PTPRE: variants seen among roughly 807,000 people sequenced by gnomAD.
PTPRE encodes the protein protein tyrosine phosphatase receptor type E.
A neutral mutation model predicts 102.0 loss-of-function variants in PTPRE; 51 were observed. The observed-to-expected ratio is 0.50, with a 90% confidence interval of 0.40 to 0.63. The LOEUF (loss-of-function observed/expected upper bound fraction) is 0.63. Among genes scored for constraint, PTPRE ranks in the 30% least tolerant of loss-of-function variants. The pLI is 0.00. For missense variants in PTPRE, 752 were observed against 915.1 expected, an observed-to-expected ratio of 0.82 and a Z score of 2.30; for synonymous variants, 345 against 348.2, an observed-to-expected ratio of 0.99 and a Z score of 0.10.
intron 2 of PTPRE, among the ~76,000 whole-genome samples, chr10:128,031,244 A>G (rs1846730348): frequency 6.6e-6 from 1 of 152,244 alleles, no homozygotes; most frequent in Non-Finnish European, 1.5e-5. Flanking sequence ...TCCAGTCATC[A>G]TCACTTTTGG....
At chr10:127,932,398 G>A (rs978498776) in intron 1 of PTPRE, among the ~76,000 whole-genome samples, 2 of 152,172 alleles carry the variant, frequency 1.3e-5, no homozygotes, top group Non-Finnish European at 2.9e-5. Flanking sequence ...TTGGGGTATA[G>A]GAGCTATAAA....
intron 1 of PTPRE, among the ~76,000 whole-genome samples, chr10:127,981,340 T>G (rs115332849): frequency 2.2e-3 from 338 of 152,206 alleles, no homozygotes; most frequent in African/African-American, 7.9e-3. Flanking sequence ...GAGCTAATAG[T>G]GGGTGTGGGG....
At chr10:127,984,820 G>A (rs955821928) in intron 2 of PTPRE, among the ~76,000 whole-genome samples, 1 of 152,220 alleles carries the variant, frequency 6.6e-6, no homozygotes, top group Non-Finnish European at 1.5e-5. Flanking sequence ...CCCCAGCCAT[G>A]TGGAACTGTG....
intron 1 of PTPRE, among the ~76,000 whole-genome samples, chr10:127,960,807 A>T (rs927553017): frequency 9.9e-5 from 15 of 152,178 alleles, no homozygotes; most frequent in Non-Finnish European, 1.9e-4. Flanking sequence ...GCGGATCACT[A>T]GGTCAGGAGA....
chr10:127,977,469 AC>A (rs1851267436), intron 1 of PTPRE, among the ~76,000 whole-genome samples: 1 of 152,206 alleles, frequency 6.6e-6, no homozygotes, highest in Admixed American at 6.5e-5. Context: ...TACGCATGCT[AC>A]ACAAGCCACT....
chr10:128,016,065 G>A (rs927038035), intron 2 of PTPRE, among the ~76,000 whole-genome samples: 10 of 152,108 alleles, frequency 6.6e-5, no homozygotes, highest in Non-Finnish European at 7.4e-5. Context: ...GTTGCAGGAG[G>A]GGACTTTTTG....
At chr10:128,005,849 G>A (rs889901237) in intron 2 of PTPRE, among the ~76,000 whole-genome samples, 18 of 152,294 alleles carry the variant, frequency 1.2e-4, no homozygotes, top group Middle Eastern at 3.4e-3. Context: ...CCCTTTCAAG[G>A]CTCTGGGAGG....
chr10:128,032,087 C>T (rs1846807407), intron 2 of PTPRE, among the ~76,000 whole-genome samples: 1 of 152,190 alleles, frequency 6.6e-6, no homozygotes, highest in Non-Finnish European at 1.5e-5. Context: ...GCAATCTCGG[C>T]TCACTGCAAC....
chr10:127,949,107 G>A lies in PTPRE; in HGVS notation c.-30-33167G>A, dbSNP rs767164030. Reference sequence around the variant, plus strand: ...CCCTGGTTCTCAGGCCTTTGGCCACGGACTGGGAATTTCACCAACACCTTC... The same window carrying A: ...CCCTGGTTCTCAGGCCTTTGGCCACAGACTGGGAATTTCACCAACACCTTC... On this transcript the variant is annotated intron_variant, in intron 1 of 20. Coordinates refer to ENST00000254667, the MANE Select transcript of PTPRE (RefSeq NM_006504.6). 6.6e-5 allele frequency among the ~76,000 whole-genome samples: 10 copies of A among 152,202 alleles called. 1 individual carries two copies. Among genetic ancestry groups the A allele is most frequent in the Non-Finnish European group, 1.5e-4 (10 of 68,042 alleles).
chr10:128,048,554 A>G (rs890011753), intron 5 of PTPRE, among the ~76,000 whole-genome samples: 2 of 152,096 alleles, frequency 1.3e-5, no homozygotes, highest in African/African-American at 4.8e-5. Flanking sequence ...AAAGAATATC[A>G]CCAACAAGGA....
At chr10:128,017,973 T>A (rs1445699641) in intron 2 of PTPRE, among the ~76,000 whole-genome samples, 1 of 152,140 alleles carries the variant, frequency 6.6e-6, no homozygotes, top group Admixed American at 6.5e-5. Flanking sequence ...AGGTGAGGGA[T>A]AAAGTACCCG....
chr10:127,908,902 A>G (rs114397576), intron 1 of PTPRE, among the ~76,000 whole-genome samples: 111 of 152,364 alleles, frequency 7.3e-4, no homozygotes, highest in African/African-American at 2.6e-3. Flanking sequence ...GGATGTGTCC[A>G]GATGGCTTGG....
At chr10:127,988,305 T>TC (rs1491335166) in intron 2 of PTPRE, among the ~76,000 whole-genome samples, 12 of 12,374 alleles carry the variant, frequency 9.7e-4, no homozygotes, top group African/African-American at 4.0e-3. Context: ...TTTTCTTTTC[T>TC]TTTTTTTTTT....
At chr10:127,926,267 A>C (rs11592935) in intron 1 of PTPRE, among the ~76,000 whole-genome samples, 2,094 of 152,350 alleles carry the variant, frequency 0.014, 23 homozygotes, top group Middle Eastern at 0.048. Flanking sequence ...TCTCCACTGT[A>C]ATCAACTGTC....
chr10:127,978,622 A>G (rs1407556529), intron 1 of PTPRE, among the ~76,000 whole-genome samples: 1 of 152,208 alleles, frequency 6.6e-6, no homozygotes, highest in Non-Finnish European at 1.5e-5. Flanking sequence ...AGGCCTAGCC[A>G]GGAGTGGGTT....
At chr10:127,967,722 C>T (rs1247307518) in intron 1 of PTPRE, among the ~76,000 whole-genome samples, 1 of 152,144 alleles carries the variant, frequency 6.6e-6, no homozygotes, top group Non-Finnish European at 1.5e-5. Flanking sequence ...TCTGAACTTT[C>T]AAGTGAGCCA....
intron 2 of PTPRE, among the ~76,000 whole-genome samples, chr10:128,002,212 C>T (rs542070712): frequency 1.4e-4 from 21 of 152,284 alleles, no homozygotes; most frequent in African/African-American, 3.4e-4. Flanking sequence ...TGAGTATGTG[C>T]ATATTCAGCT....
At chr10:128,027,629 G>A (rs1394631154) in intron 2 of PTPRE, among the ~76,000 whole-genome samples, 1 of 152,202 alleles carries the variant, frequency 6.6e-6, no homozygotes, top group African/African-American at 2.4e-5. Flanking sequence ...GATGGATACT[G>A]GAAGAGTGGG....
At position 128,028,618 on chromosome 10, in the gene PTPRE, T is replaced by C. The variant is rs1247270471; in HGVS notation, c.-7-12257T>C. Among the ~76,000 whole-genome samples, 1 of 152,108 alleles carries C rather than the reference T, an allele frequency of 6.6e-6. No individual in the cohort carries two copies. The highest frequency in any genetic ancestry group is 1.5e-5 in the Non-Finnish European group (1 of 68,020). ...GCCCAGCAGAAGCGGCAGCCCCATC[T>C]GTCCCCGAGACCCCACCCCCTCAGG... is the stretch of plus-strand genomic sequence containing the variant. On this transcript the variant is annotated intron_variant, in intron 2 of 20. Coordinates refer to ENST00000254667, the MANE Select transcript of PTPRE (RefSeq NM_006504.6). The surrounding 1 kb of genome is among the most constrained non-coding windows in gnomAD (Gnocchi z 4.5).
Sources: gnomAD v4.1 joint callset for allele counts (sites outside exome capture counted in the v4.1 genomes callset) on GRCh38, gnomAD v4.1.1 for gene constraint, Gnocchi (gnomAD v3.1) non-coding constraint, MANE v1.5 for transcripts, NCBI Gene and HGNC (gene_info 2026-07-23, HGNC 2026-07-21) for gene names.